Variants in B4GALT6 observed in about 807,000 individuals in gnomAD.
B4GALT6 encodes UDP-Gal:beta-GlcNAc beta-1,4-galactosyltransferase 6.
B4GALT6 carries 14 observed loss-of-function variants against 46.3 expected under a neutral mutation model. That is an observed-to-expected ratio of 0.30 (90% CI 0.20 to 0.47). The LOEUF is 0.47. Ranked by LOEUF, B4GALT6 falls within the 20% of genes least tolerant of loss-of-function variation. The probability of loss-of-function intolerance (pLI) is 0.99; values close to 1 mark genes in which losing one functional copy is unlikely to be tolerated. For missense variants in B4GALT6, 386 were observed against 480.1 expected, an observed-to-expected ratio of 0.80 and a Z score of 1.83; for synonymous variants, 168 against 162.0, an observed-to-expected ratio of 1.04 and a Z score of -0.28.
intron 1 of B4GALT6, among the ~76,000 whole-genome samples, chr18:31,668,637 C>T (rs1234197680): frequency 6.6e-6 from 1 of 152,056 alleles, no homozygotes; most frequent in African/African-American, 2.4e-5. Context: ...AACTCTGCAA[C>T]AACTGATATA....
At position 31,624,483 on chromosome 18, in the gene B4GALT6, T is replaced by C. The variant is rs533318725; in HGVS notation, c.*1131A>G. On this transcript the variant is annotated 3_prime_UTR_variant, in exon 9 of 9. Coordinates refer to ENST00000306851, the MANE Select transcript of B4GALT6 (RefSeq NM_004775.5). ...GGTCCCCTCCAAAAGTGAAATTCTA[T>C]GTCTGAAAACTAAACTTAAAATTTG... 6.6e-6 allele frequency: 1 copy of C among 152,200 alleles called. No homozygotes were observed. The highest frequency in any genetic ancestry group is 2.1e-4 in the South Asian group (1 of 4,832). The allele number at this position is 152,200 out of a possible 1,614,324, so 9.4% of individuals were successfully genotyped here.
Position 31,625,447 on chromosome 18 carries a change from G to T in B4GALT6, c.*167C>A, listed in dbSNP as rs539776643. The stretch of plus-strand genomic sequence containing the variant: ...GTGTCTCAGAGCAGGGAGGACGGGT[G>T]AGAGAAGGGTGACTGTATATAGTCC... On this transcript the variant is annotated 3_prime_UTR_variant, in exon 9 of 9. Transcript: ENST00000306851. The T allele has an allele frequency of 3.1e-6, 2 of 639,906 alleles. No individual in the cohort carries two copies. Among genetic ancestry groups the T allele is most frequent in the African/African-American group, 1.9e-5 (1 of 51,928 alleles). The allele number at this position is 639,906 out of a possible 1,614,324, so 39.6% of individuals were successfully genotyped here. A position where few individuals can be genotyped will look rare whatever the true frequency, so the allele number is the denominator to read the frequency against.
the B4GALT6 span, chr18:31,724,582 C>CCT: frequency 3.3e-5 from 35 of 1,059,080 alleles, no homozygotes; most frequent in Non-Finnish European, 3.9e-5. Flanking sequence ...TTCTTGGACA[C>CCT]GGATTCAGCT....
At position 31,638,978 on chromosome 18, in the gene B4GALT6, T is replaced by C. The variant is rs80237008; in HGVS notation, c.472-218A>G. 8.1e-3 allele frequency among the ~76,000 whole-genome samples: 1,237 copies of C among 152,324 alleles called. 13 individuals carry two copies. The highest frequency in any genetic ancestry group is 0.014 in the Middle Eastern group (4 of 294). On this transcript the variant is annotated intron_variant, in intron 4 of 8. Transcript: ENST00000306851. ...GAGGTAGAAGGGGCTCTGAAGCGTT[T>C]TCTAAAGATTGTGGCCTTTAACCTA...
chr18:31,666,310 T>C lies in B4GALT6; in HGVS notation c.178A>G (p.Ile60Val), dbSNP rs761643392. 6 of 1,610,764 alleles carry C rather than the reference T, an allele frequency of 3.7e-6. No homozygotes were observed. Among genetic ancestry groups the C allele is most frequent in the Non-Finnish European group, 5.1e-6 (6 of 1,178,338 alleles). Reference protein sequence around the residue: ...GIMLRENVKTIGHMIRLYTNK... With the variant: ...GIMLRENVKTVGHMIRLYTNK... The stretch of plus-strand genomic sequence containing the variant: ...GTGTACAGCCTGATCATATGACCTA[T>C]TGTTTTCACATTTTCTCTCAACATT... Residue 60 changes from isoleucine (I) to valine (V), a missense_variant, in exon 2 of 9, where the codon ATA becomes GTA. By Grantham distance (29) the Ile-to-Val change is conservative. Transcript: ENST00000306851.
chr18:31,689,120 G>A (rs186823328), upstream of B4GALT6, among the ~76,000 whole-genome samples: 421 of 152,236 alleles, frequency 2.8e-3, 2 homozygotes, highest in African/African-American at 9.6e-3. Flanking sequence ...AAGTCAAAAC[G>A]AGAAAATTAA....
upstream of B4GALT6, chr18:31,684,671 G>A: frequency 1.8e-5 from 14 of 769,848 alleles, no homozygotes; most frequent in Non-Finnish European, 2.3e-5. Context: ...GTGGAGGGGG[G>A]AGAGGGGACT....
rs754430534 is a variant in B4GALT6, at chr18:31,666,365, T to C, written c.123A>G (p.Thr41=). The change falls in exon 2 of 9, where the codon ACA becomes ACG. Residue 41 remains threonine, a synonymous_variant. Transcript: ENST00000306851. Reference sequence around the variant, plus strand: ...CTCGAGCTTGTACCATAAAGAGATATGTGTTGGCTATAAAAGAAAAATAGA... The same window carrying C: ...CTCGAGCTTGTACCATAAAGAGATACGTGTTGGCTATAAAAGAAAAATAGA... ...FIYVAPGIAN[T]YLFMVQARGI... is the part of the protein sequence containing the mutation. 2 of 1,560,598 alleles carry C rather than the reference T, an allele frequency of 1.3e-6. No homozygotes were observed. The highest frequency in any genetic ancestry group is 1.7e-4 in the Middle Eastern group (1 of 5,938).
At chr18:31,682,964 TG>T (rs1245636180) in intron 1 of B4GALT6, among the ~76,000 whole-genome samples, 1 of 152,326 alleles carries the variant, frequency 6.6e-6, no homozygotes, top group East Asian at 1.9e-4. Flanking sequence ...GGTAGGTTTT[TG>T]TGAGGTTTTT....
At chr18:31,664,250 C>G (rs1023458550) in intron 2 of B4GALT6, among the ~76,000 whole-genome samples, 2 of 152,116 alleles carry the variant, frequency 1.3e-5, no homozygotes, top group Non-Finnish European at 2.9e-5. Flanking sequence ...CTTTAAGGAG[C>G]CTCCATAACA....
chr18:31,687,981 TG>T (rs142052880), upstream of B4GALT6, among the ~76,000 whole-genome samples: 1 of 151,978 alleles, frequency 6.6e-6, no homozygotes, highest in Non-Finnish European at 1.5e-5. Context: ...TTCAGTGAAT[TG>T]GGGGGAAGAA....
chr18:31,717,380 G>T, the B4GALT6 span, among the ~76,000 whole-genome samples: 1 of 152,112 alleles, frequency 6.6e-6, no homozygotes, highest in East Asian at 1.9e-4. Context: ...GAGGCACAAG[G>T]GGAGTTTCTG....
intron 3 of B4GALT6, among the ~76,000 whole-genome samples, chr18:31,648,658 A>C (rs1406284579): frequency 6.6e-6 from 1 of 152,266 alleles, no homozygotes; most frequent in African/African-American, 2.4e-5. Flanking sequence ...GGGCCCAAAC[A>C]ACAGGCTTAT....
In B4GALT6 at chr18:31,638,298, G is replaced by T. The variant is rs950060935; in HGVS notation, c.588+346C>A. 2.6e-5 allele frequency among the ~76,000 whole-genome samples: 4 copies of T among 152,162 alleles called. No homozygotes were observed. The South Asian group carries it at 6.2e-4, about 24-fold the overall frequency. ...ATCCTAGCACTTTAGGAGGCCGAGG[G>T]GGGTGGATCACGAGATCAGGAGATC... is the stretch of plus-strand genomic sequence containing the variant. On this transcript the variant is annotated intron_variant, in intron 5 of 8. Transcript: ENST00000306851.
the B4GALT6 span, among the ~76,000 whole-genome samples, chr18:31,709,553 A>ATGTG: frequency 0.013 from 1,623 of 126,684 alleles, 23 homozygotes; most frequent in East Asian, 0.03. Flanking sequence ...TAGGATATAT[A>ATGTG]TGTGTGTGTG....
the B4GALT6 span, among the ~76,000 whole-genome samples, chr18:31,719,633 G>C: frequency 2.6e-5 from 4 of 152,152 alleles, no homozygotes; most frequent in Non-Finnish European, 5.9e-5. Flanking sequence ...GGAGACCAGA[G>C]TTTTATTATT....
At chr18:31,644,113 T>C (rs189079682) in intron 4 of B4GALT6, among the ~76,000 whole-genome samples, 58 of 152,282 alleles carry the variant, frequency 3.8e-4, no homozygotes, top group East Asian at 2.3e-3. Context: ...ATCTGGGAAA[T>C]AGTGTAAGGT....
At chr18:31,659,877 T>C (rs2074190837) in intron 2 of B4GALT6, among the ~76,000 whole-genome samples, 1 of 151,390 alleles carries the variant, frequency 6.6e-6, no homozygotes, top group Non-Finnish European at 1.5e-5. Context: ...GTATTCCCCA[T>C]ATGTCTAAAA....
At chr18:31,646,515 G>A (rs2073992711) in intron 3 of B4GALT6, among the ~76,000 whole-genome samples, 1 of 152,202 alleles carries the variant, frequency 6.6e-6, no homozygotes, top group Non-Finnish European at 1.5e-5. Context: ...TCATCTTTTA[G>A]CAGTTTTAAT....
Sources: allele counts gnomAD v4.1 joint callset (sites outside exome capture counted in the v4.1 genomes callset), GRCh38; gene constraint gnomAD v4.1.1; transcripts MANE v1.5; gene names NCBI Gene and HGNC (gene_info 2026-07-23, HGNC 2026-07-21).